The following UBR3 variants were observed in gnomAD, a reference collection of about 807,000 sequenced individuals.
UBR3 encodes E3 ubiquitin-protein ligase UBR3.
In UBR3, 85 loss-of-function variants were observed where a neutral mutation model predicts 243.2. That is an observed-to-expected ratio of 0.35 (90% CI 0.29 to 0.42). UBR3 has a LOEUF of 0.42. UBR3 is among the 10% of genes least tolerant of loss of function. UBR3 has a pLI of 1.00. For missense variants in UBR3, 1,686 were observed against 2,300.8 expected, an observed-to-expected ratio of 0.73 and a Z score of 5.47; for synonymous variants, 748 against 799.8, an observed-to-expected ratio of 0.94 and a Z score of 1.09.
At chr2:169,874,859 ATTTG>A (rs2083548896) in intron 2 of UBR3, among the ~76,000 whole-genome samples, 1 of 152,014 alleles carries the variant, frequency 6.6e-6, no homozygotes, top group Admixed American at 6.6e-5. Context: ...GGTTTTGTTC[ATTTG>A]TTTGTTTTTG....
At chr2:170,068,417 G>A (rs549047623) in intron 35 of UBR3, among the ~76,000 whole-genome samples, 19 of 152,194 alleles carry the variant, frequency 1.2e-4, no homozygotes, top group African/African-American at 3.6e-4. Context: ...GCAGTGAGCC[G>A]AGATTGTGCC....
At chr2:169,903,297 C>G (rs1321753906) in intron 8 of UBR3, among the ~76,000 whole-genome samples, 1 of 152,108 alleles carries the variant, frequency 6.6e-6, no homozygotes, top group Non-Finnish European at 1.5e-5. Flanking sequence ...TAATTATATT[C>G]TGCTTATTCA....
At chr2:169,860,309 G>A (rs2083044488) in intron 1 of UBR3, among the ~76,000 whole-genome samples, 1 of 152,042 alleles carries the variant, frequency 6.6e-6, no homozygotes, top group Non-Finnish European at 1.5e-5. Context: ...CCTTAGTGAG[G>A]GTTGGATTTT....
At chr2:170,072,444 G>T (rs1297166698) in intron 35 of UBR3, among the ~76,000 whole-genome samples, 1 of 147,598 alleles carries the variant, frequency 6.8e-6, no homozygotes, top group South Asian at 2.2e-4. Context: ...AGGGGGGAGG[G>T]ATAGCATTAG....
rs1352438950 is a variant in UBR3, at chr2:169,890,550, T to TACAC, written c.1039-614_1039-613insCACA. 9.0e-4 allele frequency among the ~76,000 whole-genome samples: 21 copies of TACAC among 23,414 alleles called. 1 individual carries two copies. Among genetic ancestry groups the TACAC allele is most frequent in the African/African-American group, 1.7e-3 (20 of 12,020 alleles). The allele number at this position is 23,414 out of a possible 152,430, so 15.4% of individuals were successfully genotyped here. ...GGAGAGAGAGAGAGAGATATATATA[T>TACAC]ATATATATATATATGTGTATATATA... On this transcript the variant is annotated intron_variant, in intron 5 of 38. Transcript: ENST00000272793.
intron 35 of UBR3, among the ~76,000 whole-genome samples, chr2:170,069,943 T>C (rs915054911): frequency 1.3e-5 from 2 of 152,112 alleles, no homozygotes; most frequent in African/African-American, 4.8e-5. Flanking sequence ...TTACTTATAA[T>C]ACCTAATATA....
chr2:170,050,809 A>G (rs1190751409), intron 32 of UBR3, among the ~76,000 whole-genome samples: 1 of 152,192 alleles, frequency 6.6e-6, no homozygotes, highest in Non-Finnish European at 1.5e-5. Flanking sequence ...CAAGCATTCA[A>G]TAAATAAACA....
At chr2:170,024,401 A>G (rs1333574597) in intron 30 of UBR3, among the ~76,000 whole-genome samples, 2 of 151,266 alleles carry the variant, frequency 1.3e-5, no homozygotes, top group African/African-American at 4.8e-5. Context: ...TGACAGAGGT[A>G]CACAGTTTCC....
chr2:169,847,648 T>C (rs1372519095), intron 1 of UBR3, among the ~76,000 whole-genome samples: 1 of 152,216 alleles, frequency 6.6e-6, no homozygotes. Flanking sequence ...TCTTTGTTTC[T>C]TTATGTAAGT....
rs537294937 is a variant in UBR3, at chr2:170,080,328, T to C, written c.5410-217T>C. ...GCTGTTGAAGATACTAGACTCTGAA[T>C]TAGGTTGGCTCTTAATTGCTTTACT... On this transcript the variant is annotated intron_variant, in intron 37 of 38. Transcript: ENST00000272793. The C allele has an allele frequency of 4.2e-5, 25 of 598,962 alleles. No homozygotes were observed. In the South Asian group the frequency reaches 6.7e-4, roughly 16 times the overall value. 37.1% of individuals were successfully genotyped at this position (598,962 alleles called of 1,614,324 possible).
chr2:169,912,413 T>C (rs1195133351), intron 10 of UBR3, among the ~76,000 whole-genome samples: 1 of 152,178 alleles, frequency 6.6e-6, no homozygotes, highest in East Asian at 1.9e-4. Flanking sequence ...TTTCAACCTT[T>C]ATAAATCTAC....
At chr2:169,886,351 A>G (rs184983701) in intron 5 of UBR3, among the ~76,000 whole-genome samples, 3 of 152,230 alleles carry the variant, frequency 2.0e-5, no homozygotes, top group Non-Finnish European at 4.4e-5. Flanking sequence ...ACAGTTGGTA[A>G]GCCTCTCCAT....
Position 169,949,857 on chromosome 2 carries a change from G to A in UBR3, c.3337G>A (p.Asp1113Asn). 1 of 1,589,106 alleles carries A rather than the reference G, an allele frequency of 6.3e-7. No homozygotes were observed. Residue 1113 changes from aspartate (D) to asparagine (N), a missense_variant, in exon 23 of 39, where the codon GAT (aspartate) becomes AAT (asparagine). Physicochemically the swap from Asp to Asn is conservative, Grantham distance 23. Coordinates refer to ENST00000272793, the MANE Select transcript of UBR3 (RefSeq NM_172070.4). ...KQNSYYPPWL[D>N]DIEILIQPEI... ...AAACTCCTACTATCCTCCTTGGCTTGATGACATAGAAATTTTAATCCAACC... is the reference window on the plus strand; with the variant it reads ...AAACTCCTACTATCCTCCTTGGCTTAATGACATAGAAATTTTAATCCAACC...
intron 18 of UBR3, among the ~76,000 whole-genome samples, chr2:169,931,053 A>C (rs1429082433): frequency 6.6e-6 from 1 of 152,188 alleles, no homozygotes; most frequent in Non-Finnish European, 1.5e-5. Context: ...ATAGACTTTA[A>C]AGAGAAGGAC....
intron 32 of UBR3, among the ~76,000 whole-genome samples, chr2:170,047,611 G>A (rs896870805): frequency 6.6e-6 from 1 of 152,128 alleles, no homozygotes; most frequent in African/African-American, 2.4e-5. Flanking sequence ...GAGAATGGAG[G>A]AGGAGAACAG....
rs778469181 is a variant in UBR3, at chr2:169,827,937, C to T, written c.430C>T (p.Leu144=). ...RTCGISPCMS[L]CAECFHQGDH... The stretch of plus-strand genomic sequence containing the variant: ...GTGCGGCATCTCGCCCTGCATGTCG[C>T]TGTGCGCCGAGTGCTTCCACCAGGG... Residue 144 remains leucine, a synonymous_variant, in exon 1 of 39, where the codon CTG becomes TTG. Transcript: ENST00000272793. 1.8e-5 allele frequency: 27 copies of T among 1,485,028 alleles called. No homozygotes were observed. Among genetic ancestry groups the T allele is most frequent in the Non-Finnish European group, 2.0e-5 (22 of 1,117,048 alleles). The allele number at this position is 1,485,028 out of a possible 1,614,324, so 92.0% of individuals were successfully genotyped here. A position where few individuals can be genotyped will look rare whatever the true frequency, so the allele number is the denominator to read the frequency against.
intron 24 of UBR3, among the ~76,000 whole-genome samples, chr2:169,962,844 G>C (rs531243242): frequency 6.6e-6 from 1 of 152,236 alleles, no homozygotes; most frequent in Non-Finnish European, 1.5e-5. Context: ...TCATTTGCCT[G>C]ATGATTCTTG....
intron 1 of UBR3, among the ~76,000 whole-genome samples, chr2:169,849,044 T>A (rs1485903684): frequency 6.6e-6 from 1 of 152,148 alleles, no homozygotes; most frequent in Admixed American, 6.5e-5. Context: ...ACATATATAT[T>A]TATACTCACC....
At chr2:170,060,640 A>G (rs1246570541) in intron 33 of UBR3, among the ~76,000 whole-genome samples, 1 of 152,070 alleles carries the variant, frequency 6.6e-6, no homozygotes, top group African/African-American at 2.4e-5. Context: ...TGCTTAGAAA[A>G]TGTTTTTTAA....
Sources: allele counts gnomAD v4.1 joint callset (sites outside exome capture counted in the v4.1 genomes callset), GRCh38; gene constraint gnomAD v4.1.1; transcripts MANE v1.5; gene names NCBI Gene and HGNC (gene_info 2026-07-23, HGNC 2026-07-21).